Variants in MMP26 observed in about 807,000 individuals in gnomAD.
The protein encoded by MMP26 is matrix metalloproteinase-26.
MMP26 carries 33 observed loss-of-function variants against 31.0 expected under a neutral mutation model. The observed-to-expected ratio is 1.06, with a 90% CI of 0.81 to 1.42. The LOEUF (loss-of-function observed/expected upper bound fraction) is 1.42, where lower values mean the gene tolerates loss of function less well. Ranked by LOEUF, MMP26 falls within the 40% of genes most tolerant of loss-of-function variation. MMP26 has a pLI of 0.00. For missense variants in MMP26, 347 were observed against 316.1 expected, an observed-to-expected ratio of 1.10 and a Z score of -0.74; for synonymous variants, 122 against 114.9, an observed-to-expected ratio of 1.06 and a Z score of -0.40.
chr11:4,900,097 T>C (rs1405470674), intron 2 of MMP26, among the ~76,000 whole-genome samples: 1 of 152,182 alleles, frequency 6.6e-6, no homozygotes, highest in Non-Finnish European at 1.5e-5. Flanking sequence ...GACTCAACTC[T>C]ACCTGTTCTA....
In MMP26 at chr11:4,953,094, C is replaced by T. The variant is rs550034525; in HGVS notation, c.-144-34974C>T. ...GGAAAGTTGGACTATTTTTCAGCCA[C>T]AAATCTAAAGCAATAAATTTCTCTT... On this transcript the variant is annotated intron_variant, in intron 2 of 7. Coordinates refer to ENST00000380390, the MANE Select transcript of MMP26 (RefSeq NM_021801.5). Among the ~76,000 whole-genome samples, 64 of 125,280 alleles carry T rather than the reference C, an allele frequency of 5.1e-4. 14 individuals are homozygous for T. Among genetic ancestry groups the T allele is most frequent in the African/African-American group, 1.7e-3 (63 of 36,882 alleles). 82.2% of individuals were successfully genotyped at this position (125,280 alleles called of 152,430 possible).
chr11:4,828,322 T>C (rs1211970928), intron 2 of MMP26, among the ~76,000 whole-genome samples: 1 of 152,150 alleles, frequency 6.6e-6, no homozygotes, highest in Non-Finnish European at 1.5e-5. Context: ...TTATATTGAT[T>C]ATCCTACTCA....
chr11:4,770,194 A>G (rs1848697843), intron 2 of MMP26, among the ~76,000 whole-genome samples: 1 of 152,220 alleles, frequency 6.6e-6, no homozygotes, highest in African/African-American at 2.4e-5. Context: ...GATAGTGTCC[A>G]TTTACAGAAT....
chr11:4,963,011 A>G (rs2133622869), intron 2 of MMP26, among the ~76,000 whole-genome samples: 1 of 152,292 alleles, frequency 6.6e-6, no homozygotes, highest in African/African-American at 2.4e-5. Context: ...ATCCTGCCTA[A>G]CAGATGCTTT....
chr11:4,763,520 T>C (rs1262215194), intron 1 of MMP26, among the ~76,000 whole-genome samples: 2 of 152,240 alleles, frequency 1.3e-5, no homozygotes, highest in Non-Finnish European at 2.9e-5. Context: ...AATTTGGTTT[T>C]GGACTTGCTG....
At chr11:4,972,149 A>G (rs952567089) in intron 2 of MMP26, among the ~76,000 whole-genome samples, 1 of 152,262 alleles carries the variant, frequency 6.6e-6, no homozygotes. Flanking sequence ...GAGGAAATCA[A>G]TTAAACATCT....
chr11:4,761,430 A>G (rs11033743), intron 1 of MMP26, among the ~76,000 whole-genome samples: 16,134 of 152,196 alleles, frequency 0.11, 947 homozygotes, highest in Middle Eastern at 0.23. Context: ...AAACTTCTAT[A>G]AGGAATCTTA....
At chr11:4,973,162 T>C in intron 2 of MMP26, 1 of 205,130 alleles carries the variant, frequency 4.9e-6, no homozygotes, top group Non-Finnish European at 1.1e-5. Context: ...GGGAAACACA[T>C]GTATTGAGGA....
intron 2 of MMP26, among the ~76,000 whole-genome samples, chr11:4,872,971 A>T (rs1332499888): frequency 8.6e-5 from 13 of 151,834 alleles, no homozygotes; most frequent in Admixed American, 2.6e-4. Flanking sequence ...TATACAGTAC[A>T]CTCATGTGTC....
At chr11:4,859,463 A>G in intron 2 of MMP26, 1 of 345,370 alleles carries the variant, frequency 2.9e-6, no homozygotes, top group Non-Finnish European at 5.7e-6. Flanking sequence ...AACAATAATG[A>G]CCTGTTATGT....
chr11:4,906,872 C>T (rs185034172), intron 2 of MMP26, among the ~76,000 whole-genome samples: 1 of 152,114 alleles, frequency 6.6e-6, no homozygotes, highest in East Asian at 1.9e-4. Flanking sequence ...AGGTGGATCA[C>T]CTGTGTCAGG....
chr11:4,761,792 A>T (rs1848571327), intron 1 of MMP26, among the ~76,000 whole-genome samples: 1 of 152,226 alleles, frequency 6.6e-6, no homozygotes, highest in Admixed American at 6.5e-5. Flanking sequence ...ATTTGAAAGT[A>T]TCTCCAGGTA....
intron 2 of MMP26, chr11:4,923,526 G>C: frequency 6.2e-7 from 1 of 1,614,126 alleles, no homozygotes; most frequent in Non-Finnish European, 8.5e-7. Context: ...TGTACAACGC[G>C]GGGCAGATGT....
At chr11:4,836,005 C>T (rs954015990) in intron 2 of MMP26, among the ~76,000 whole-genome samples, 3 of 151,760 alleles carry the variant, frequency 2.0e-5, no homozygotes, top group African/African-American at 7.3e-5. Context: ...ATATATTTAA[C>T]TTAAGCAAAT....
At chr11:4,943,931 A>G (rs541120745) in intron 2 of MMP26, 2 of 419,924 alleles carry the variant, frequency 4.8e-6, no homozygotes, top group African/African-American at 4.2e-5. Flanking sequence ...TCCTGAAAGA[A>G]TAAGATGCTA....
At chr11:4,940,771 T>C (rs2596002) in intron 2 of MMP26, among the ~76,000 whole-genome samples, 71,908 of 151,944 alleles carry the variant, frequency 0.47, 17,318 homozygotes, top group East Asian at 0.58. Flanking sequence ...TTGGGGGTCA[T>C]ATTCAAACCC....
chr11:4,920,025 GT>G (rs34133081), intron 2 of MMP26, among the ~76,000 whole-genome samples: 14,239 of 152,208 alleles, frequency 0.094, 854 homozygotes, highest in Middle Eastern at 0.19. Context: ...CTGAAAAGGA[GT>G]TTTTATGTGA....
chr11:4,727,845 C>T (rs1303142028), intron 1 of MMP26, among the ~76,000 whole-genome samples: 1 of 152,076 alleles, frequency 6.6e-6, no homozygotes, highest in Non-Finnish European at 1.5e-5. Flanking sequence ...CAAAAATCTT[C>T]TCTCTTCAGA....
At chr11:4,882,979 A>C (rs17251220) in intron 2 of MMP26, 1 of 924,116 alleles carries the variant, frequency 1.1e-6, no homozygotes, top group Non-Finnish European at 1.6e-6. Flanking sequence ...GTCAATTCCA[A>C]TTGAATTTTA....
Sources: allele counts gnomAD v4.1 joint callset (sites outside exome capture counted in the v4.1 genomes callset), GRCh38; gene constraint gnomAD v4.1.1; transcripts MANE v1.5; gene names NCBI Gene and HGNC (gene_info 2026-07-23, HGNC 2026-07-21).